Variants in ICE2 observed in about 807,000 individuals in gnomAD.
The protein encoded by ICE2 is interactor of little elongation complex ELL subunit 2.
In ICE2, 87 loss-of-function variants were observed where a neutral mutation model predicts 105.4. The observed-to-expected ratio is 0.83, with a 90% CI of 0.69 to 0.99. ICE2 has a LOEUF of 0.99. Ranked by LOEUF, ICE2 falls within the 50% of genes least tolerant of loss-of-function variation. The pLI, the probability that ICE2 is intolerant of heterozygous loss-of-function variation, is 0.00. For missense variants in ICE2, 1,323 were observed against 1,146.7 expected, an observed-to-expected ratio of 1.15 and a Z score of -2.22; for synonymous variants, 399 against 392.0, an observed-to-expected ratio of 1.02 and a Z score of -0.21.
intron 11 of ICE2, chr15:60,443,100 T>C (rs2063752625): frequency 6.6e-6 from 1 of 152,254 alleles, no homozygotes; most frequent in Non-Finnish European, 1.5e-5. Context: ...TTAACGGCTT[T>C]ATTTCAGACA....
At chr15:60,447,942 T>C in intron 11 of ICE2, 28 bp downstream of exon 11, 3 of 1,575,548 alleles carry the variant, frequency 1.9e-6, no homozygotes, top group Non-Finnish European at 2.6e-6. Context: ...TATGTGATCA[T>C]ATTCTAACTC....
At chr15:60,460,982 C>T (rs1486014627) in intron 5 of ICE2, among the ~76,000 whole-genome samples, 1 of 151,884 alleles carries the variant, frequency 6.6e-6, no homozygotes, top group African/African-American at 2.4e-5. Flanking sequence ...TTGCGGGGGA[C>T]ATCACTCACA....
chr15:60,471,428 C>T (rs1299144873), intron 3 of ICE2, among the ~76,000 whole-genome samples: 1 of 152,190 alleles, frequency 6.6e-6, no homozygotes, highest in African/African-American at 2.4e-5. Context: ...CTTAACAGTA[C>T]TGCTTCACAG....
intron 9 of ICE2, chr15:60,453,008 A>G (rs1595784619): frequency 1.1e-6 from 1 of 945,430 alleles, no homozygotes. Context: ...AGATGGGTGG[A>G]TCACCTGAAG....
rs567141472 is a variant in ICE2 at position 60,449,618 on chromosome 15, G to T, written c.1349C>A (p.Ser450Tyr). ...TTVAPSAPDI[S>Y]ANSRSLSQIL... ...CTGAGATAAACTTCTAGAATTAGCA[G>T]AAATGTCTGGTGCACTTGGTGCCAC... is the stretch of plus-strand genomic sequence containing the variant. The change falls in exon 10 of 16, where the codon TCT becomes TAT. Residue 450 changes from serine to tyrosine, a missense_variant. Transcript: ENST00000261520. 2.5e-5 allele frequency: 40 copies of T among 1,614,166 alleles called. No individual in the cohort carries two copies. The South Asian group carries it at 4.2e-4, about 17-fold the overall frequency.
rs551663327 is a variant in ICE2, at chr15:60,477,891, C to T, written c.41+46G>A. On this transcript the variant is annotated intron_variant, in intron 2 of 15. Transcript: ENST00000261520. ...CTATTTTCTTATGTCAACCATCAGC[C>T]CCACTACACTCCTCTTCAGTGGATT... 3.0e-5 allele frequency: 44 copies of T among 1,488,786 alleles called. No individual in the cohort carries two copies. In the African/African-American group the frequency reaches 4.0e-4, roughly 14 times the overall value. The allele number at this position is 1,488,786 out of a possible 1,614,324, so 92.2% of individuals were successfully genotyped here. A position where few individuals can be genotyped will look rare whatever the true frequency, so the allele number is the denominator to read the frequency against.
chr15:60,459,050 C>A (rs1291919241), intron 5 of ICE2, among the ~76,000 whole-genome samples: 2 of 152,108 alleles, frequency 1.3e-5, no homozygotes, highest in Non-Finnish European at 2.9e-5. Flanking sequence ...ACCTGCATAA[C>A]AATGTAAATG....
At chr15:60,423,984 G>A (rs2140981038) in intron 15 of ICE2, among the ~76,000 whole-genome samples, 1 of 152,330 alleles carries the variant, frequency 6.6e-6, no homozygotes, top group South Asian at 2.1e-4. Context: ...GATCTGAGTA[G>A]ATGGGGAGCA....
Position 60,449,680 on chromosome 15 carries a change from T to C in ICE2, c.1287A>G (p.Thr429=). Residue 429 remains threonine (T), a synonymous_variant, in exon 10 of 16, where the codon ACA becomes ACG. Transcript: ENST00000261520. ...CTGCTTTGGGGGCTGTAGGAGCATC[T>C]GTCATGTTAGGTACTGTGGAAGTAC... ...PASTSTVPNM[T]DAPTAPKAGT... The C allele has an allele frequency of 1.2e-6, 2 of 1,614,142 alleles. No homozygotes were observed. Among genetic ancestry groups the C allele is most frequent in the Non-Finnish European group, 1.7e-6 (2 of 1,180,036 alleles).
chr15:60,424,631 C>T (rs766825528), intron 15 of ICE2, among the ~76,000 whole-genome samples: 66 of 152,182 alleles, frequency 4.3e-4, no homozygotes, highest in Non-Finnish European at 9.7e-4. Flanking sequence ...ACTCCAGACT[C>T]CTGAGCAGCT....
At position 60,455,153 on chromosome 15, in the gene ICE2, T is replaced by A. The variant is rs939178602; in HGVS notation, c.793A>T (p.Lys265Ter). ...ACAAGCTTCTCTGCATTTGGATCTTTACTAATATCCTGAAAAACAACAAGT... is the reference window on the plus strand; with the variant it reads ...ACAAGCTTCTCTGCATTTGGATCTTAACTAATATCCTGAAAAACAACAAGT... ...TAEAMHYDIS[K>*]DPNAEKLVSR... The change falls in exon 8 of 16, where the codon AAA (lysine) becomes TAA (stop). Residue 265 changes from lysine (K) to a stop codon, truncating the protein, a stop_gained. Coordinates refer to ENST00000261520, the MANE Select transcript of ICE2 (RefSeq NM_024611.6). LOFTEE classifies it high-confidence loss of function. The A allele has an allele frequency of 6.4e-7, 1 of 1,572,534 alleles. No individual in the cohort carries two copies. The highest frequency in any genetic ancestry group is 2.0e-5 in the Admixed American group (1 of 49,596).
chr15:60,452,415 C>A, intron 9 of ICE2: 3 of 246,596 alleles, frequency 1.2e-5, no homozygotes, highest in Non-Finnish European at 1.9e-5. Context: ...ATAAAATGAC[C>A]CCTTCCCCAC....
At chr15:60,430,391 C>G (rs2063429584) in intron 14 of ICE2, among the ~76,000 whole-genome samples, 1 of 152,104 alleles carries the variant, frequency 6.6e-6, no homozygotes, top group African/African-American at 2.4e-5. Flanking sequence ...CTCAGTGAAC[C>G]CTGTTAGACC....
chr15:60,472,601 T>C (rs2064634257), intron 3 of ICE2, among the ~76,000 whole-genome samples: 1 of 152,222 alleles, frequency 6.6e-6, no homozygotes, highest in Non-Finnish European at 1.5e-5. Flanking sequence ...GAGTTAGGTA[T>C]GCCCAACTTC....
At chr15:60,429,914 A>G (rs1243993460) in intron 14 of ICE2, among the ~76,000 whole-genome samples, 1 of 152,222 alleles carries the variant, frequency 6.6e-6, no homozygotes, top group Non-Finnish European at 1.5e-5. Flanking sequence ...GAATATATTA[A>G]TATTTAATTC....
rs2063328071 is a variant in ICE2 at position 60,425,808 on chromosome 15, C to T, written c.2821-2046G>A. Among the ~76,000 whole-genome samples the T allele has an allele frequency of 1.3e-5, 2 of 152,180 alleles. 1 individual carries two copies. The highest frequency in any genetic ancestry group is 4.1e-4 in the South Asian group (2 of 4,826). The stretch of plus-strand genomic sequence containing the variant: ...TTACCATTGCTGCTAAAACTAGAAT[C>T]CATATTTGCACTTAGATTGGTTGGG... On this transcript the variant is annotated intron_variant, in intron 15 of 15. Transcript: ENST00000261520.
intron 9 of ICE2, 39 bp downstream of exon 9, chr15:60,453,564 A>T: frequency 6.2e-7 from 1 of 1,600,828 alleles, no homozygotes; most frequent in Non-Finnish European, 8.5e-7. Context: ...AGGATAAACA[A>T]GTACATTCCC....
chr15:60,424,051 T>C (rs1192111590), intron 15 of ICE2, among the ~76,000 whole-genome samples: 2 of 151,946 alleles, frequency 1.3e-5, no homozygotes, highest in Non-Finnish European at 2.9e-5. Flanking sequence ...AAAAGATAAA[T>C]TAGAAATCAA....
In ICE2 at chr15:60,422,276, G is replaced by T. The variant is rs1346157320; in HGVS notation, c.*1358C>A. ...GCCTTTTGAGTAGCTGGGACTACAG[G>T]CACACCCCACCACACCCGGCTAACT... On this transcript the variant is annotated 3_prime_UTR_variant, in exon 16 of 16. Coordinates refer to ENST00000261520, the MANE Select transcript of ICE2 (RefSeq NM_024611.6). 6.6e-6 allele frequency: 1 copy of T among 151,668 alleles called. No homozygotes were observed. The highest frequency in any genetic ancestry group is 1.5e-5 in the Non-Finnish European group (1 of 67,994). The allele number at this position is 151,668 out of a possible 1,614,324, so 9.4% of individuals were successfully genotyped here.
Sources: allele counts gnomAD v4.1 joint callset (sites outside exome capture counted in the v4.1 genomes callset), GRCh38; gene constraint gnomAD v4.1.1; transcripts MANE v1.5; gene names NCBI Gene and HGNC (gene_info 2026-07-23, HGNC 2026-07-21).